The following ZDHHC20 variants were observed in gnomAD, a reference collection of about 807,000 sequenced individuals.
ZDHHC20 encodes zDHHC palmitoyltransferase 20, also known as palmitoyltransferase ZDHHC20.
Under a neutral mutation model 57.8 loss-of-function variants are expected in ZDHHC20, and 43 were observed. The ratio of observed to expected loss-of-function variants is 0.74; its 90% CI spans 0.58 to 0.96. ZDHHC20 has a LOEUF of 0.96. ZDHHC20 is among the 40% of genes least tolerant of loss of function. The pLI is 0.00. For synonymous variants in ZDHHC20, 157 were observed against 153.0 expected (o/e 1.03, Z -0.19); for missense variants, 391 against 441.1 (o/e 0.89, Z 1.02).
intron 1 of ZDHHC20, among the ~76,000 whole-genome samples, chr13:21,439,450 C>G (rs865876504): frequency 6.6e-6 from 1 of 151,940 alleles, no homozygotes; most frequent in African/African-American, 2.4e-5. Flanking sequence ...CAGTGAGCCA[C>G]GAACACACCA....
chr13:21,459,254 G>A lies in ZDHHC20; in HGVS notation c.-83C>T. The A allele has an allele frequency of 9.2e-7, 1 of 1,084,346 alleles. No homozygotes were observed. The highest frequency in any genetic ancestry group is 1.3e-6 in the Non-Finnish European group (1 of 772,710). 67.2% of individuals were successfully genotyped at this position (1,084,346 alleles called of 1,614,324 possible). On this transcript the variant is annotated 5_prime_UTR_variant, in exon 1 of 13. Coordinates refer to ENST00000400590, the MANE Select transcript of ZDHHC20 (RefSeq NM_001330059.2). Reference sequence around the variant, plus strand: ...CGGCGACGGTGACTCGGACGCTCCAGGCGGCTGCTGGTCCAGCTCCCCCGC... The same window carrying A: ...CGGCGACGGTGACTCGGACGCTCCAAGCGGCTGCTGGTCCAGCTCCCCCGC...
At chr13:21,392,774 A>G (rs1875974173) in intron 7 of ZDHHC20, among the ~76,000 whole-genome samples, 1 of 152,232 alleles carries the variant, frequency 6.6e-6, no homozygotes, top group East Asian at 1.9e-4. Flanking sequence ...AAAGAAGACT[A>G]TTAGCATTAG....
chr13:21,422,243 G>GT (rs1336851173), intron 2 of ZDHHC20, among the ~76,000 whole-genome samples: 1 of 150,502 alleles, frequency 6.6e-6, no homozygotes, highest in Non-Finnish European at 1.5e-5. Flanking sequence ...AAGTGATAAA[G>GT]TGTTCACTGG....
intron 1 of ZDHHC20, among the ~76,000 whole-genome samples, chr13:21,429,121 T>C (rs1019810139): frequency 6.6e-6 from 1 of 152,288 alleles, no homozygotes; most frequent in Middle Eastern, 3.4e-3. Context: ...CCTGAAAATA[T>C]CAGATACTCA....
intron 1 of ZDHHC20, among the ~76,000 whole-genome samples, chr13:21,446,860 T>G (rs1240677659): frequency 6.6e-6 from 1 of 152,138 alleles, no homozygotes; most frequent in Non-Finnish European, 1.5e-5. Flanking sequence ...ATAGATTTCT[T>G]AAGCTAGAGA....
At chr13:21,420,057 C>T (rs1039499205) in intron 3 of ZDHHC20, among the ~76,000 whole-genome samples, 2 of 152,104 alleles carry the variant, frequency 1.3e-5, no homozygotes, top group African/African-American at 4.8e-5. Flanking sequence ...GAGGCTGAGG[C>T]GGGTGGATCA....
chr13:21,422,223 C>G (rs1880722577), intron 2 of ZDHHC20, among the ~76,000 whole-genome samples: 1 of 148,836 alleles, frequency 6.7e-6, no homozygotes, highest in Non-Finnish European at 1.5e-5. Flanking sequence ...CAGTGTTTCT[C>G]AATTTTAAGA....
intron 4 of ZDHHC20, among the ~76,000 whole-genome samples, chr13:21,412,081 G>C (rs1279690872): frequency 6.6e-6 from 1 of 152,208 alleles, no homozygotes; most frequent in Non-Finnish European, 1.5e-5. Context: ...GATGCTCTGG[G>C]CAGAGGTCTG....
At chr13:21,390,938 T>G (rs184506282) in intron 8 of ZDHHC20, among the ~76,000 whole-genome samples, 1 of 151,998 alleles carries the variant, frequency 6.6e-6, no homozygotes, top group Admixed American at 6.6e-5. Flanking sequence ...TGAAATACAT[T>G]GTTATGTTTT....
intron 3 of ZDHHC20, among the ~76,000 whole-genome samples, chr13:21,414,592 C>T (rs1879715640): frequency 6.9e-6 from 1 of 144,242 alleles, no homozygotes; most frequent in African/African-American, 2.5e-5. Context: ...AGGATGGTCT[C>T]GATCTCCTGA....
At position 21,396,281 on chromosome 13, in the gene ZDHHC20, T is replaced by C. The variant is rs576732074; in HGVS notation, c.594+4092A>G. 3.9e-5 allele frequency among the ~76,000 whole-genome samples: 6 copies of C among 152,276 alleles called. No homozygotes were observed. The East Asian group carries it at 1.2e-3, about 29-fold the overall frequency. On this transcript the variant is annotated intron_variant, in intron 7 of 12. Coordinates refer to ENST00000400590, the MANE Select transcript of ZDHHC20 (RefSeq NM_001330059.2). ...ACCTGAATAATAACAAAACCTACAT[T>C]GTAAAACACCTTCAAAAGGTTTTTA...
chr13:21,417,339 G>A (rs993025030), intron 3 of ZDHHC20, among the ~76,000 whole-genome samples: 1 of 151,958 alleles, frequency 6.6e-6, no homozygotes, highest in African/African-American at 2.4e-5. Flanking sequence ...TATCCGGTGG[G>A]TGGTCAAGAA....
chr13:21,378,796 G>A (rs1477131397), intron 11 of ZDHHC20, 58 bp from the exon 12 acceptor site: 5 of 986,134 alleles, frequency 5.1e-6, no homozygotes, highest in East Asian at 3.1e-5. Context: ...GAAGTATTAA[G>A]TTTCTGGCTA....
chr13:21,437,308 G>T (rs1334606561), intron 1 of ZDHHC20, among the ~76,000 whole-genome samples: 1 of 152,214 alleles, frequency 6.6e-6, no homozygotes, highest in Non-Finnish European at 1.5e-5. Context: ...TTATTCAGAA[G>T]ATCTAGCTGA....
chr13:21,447,552 G>A (rs1444145889), intron 1 of ZDHHC20, among the ~76,000 whole-genome samples: 6 of 147,170 alleles, frequency 4.1e-5, no homozygotes, highest in South Asian at 2.2e-4. Context: ...CCGAGGTGCC[G>A]GGATTGCAGA....
intron 1 of ZDHHC20, among the ~76,000 whole-genome samples, chr13:21,447,516 G>A (rs1283154954): frequency 4.6e-4 from 66 of 144,460 alleles, no homozygotes; most frequent in South Asian, 6.9e-4. Context: ...GCCCCTAACC[G>A]CGAGTGATCC....
chr13:21,399,750 G>A (rs928922131), intron 7 of ZDHHC20, among the ~76,000 whole-genome samples: 3 of 151,758 alleles, frequency 2.0e-5, no homozygotes, highest in East Asian at 3.9e-4. Flanking sequence ...CTGTAGAAAC[G>A]GCAGCATACT....
intron 12 of ZDHHC20, 24 bp from the exon 13 acceptor site, chr13:21,376,679 T>G (rs1244782129): frequency 1.5e-6 from 2 of 1,367,778 alleles, no homozygotes; most frequent in Non-Finnish European, 2.0e-6. Context: ...AACAAATTAT[T>G]GGTTAAAACT....
intron 1 of ZDHHC20, among the ~76,000 whole-genome samples, chr13:21,435,012 G>C (rs1335318549): frequency 6.6e-6 from 1 of 152,026 alleles, no homozygotes; most frequent in African/African-American, 2.4e-5. Context: ...TTAGCTTTTT[G>C]CAAAAACCCT....
Sources: allele counts gnomAD v4.1 joint callset (sites outside exome capture counted in the v4.1 genomes callset), GRCh38; gene constraint gnomAD v4.1.1; transcripts MANE v1.5; gene names NCBI Gene and HGNC (gene_info 2026-07-23, HGNC 2026-07-21).